CERT1: variants seen among roughly 807,000 people sequenced by gnomAD.
CERT1 encodes ceramide transfer protein.
A neutral mutation model predicts 87.9 loss-of-function variants in CERT1; 31 were observed. The ratio of observed to expected loss-of-function variants is 0.35; its 90% CI spans 0.27 to 0.48. CERT1 has a LOEUF of 0.48. CERT1 is among the 20% of genes least tolerant of loss of function. The pLI is 0.99. For missense variants in CERT1, 487 were observed against 758.0 expected, an observed-to-expected ratio of 0.64 and a Z score of 4.20; for synonymous variants, 289 against 250.9, an observed-to-expected ratio of 1.15 and a Z score of -1.44.
intron 8 of CERT1, among the ~76,000 whole-genome samples, chr5:75,407,472 T>TAA (rs546897411): frequency 8.3e-5 from 9 of 107,844 alleles, no homozygotes; most frequent in Non-Finnish European, 1.4e-4. Context: ...GGAAAAAAAT[T>TAA]AAAAAAAAAA....
rs753591061 is a variant in CERT1 at position 75,459,962 on chromosome 5, C to CAAA, written c.232-784_232-782dup. ...GGGTGACAGAGTGAGTCCTCCGTCTCAAAAAAAAAAAAAAAAAAAAAAAAA... is the reference window on the plus strand; with the variant it reads ...GGGTGACAGAGTGAGTCCTCCGTCTCAAAAAAAAAAAAAAAAAAAAAAAAAAAA... On this transcript the variant is annotated intron_variant, in intron 2 of 16. Transcript: ENST00000643780. Among the ~76,000 whole-genome samples, 33 of 25,526 alleles carry CAAA rather than the reference C, an allele frequency of 1.3e-3. 2 individuals carry two copies. The highest frequency in any genetic ancestry group is 3.6e-3 in the Admixed American group (8 of 2,252). The allele number at this position is 25,526 out of a possible 152,430, so 16.7% of individuals were successfully genotyped here.
Position 75,511,454 on chromosome 5 carries a change from C to T in CERT1, c.-247G>A. The T allele has an allele frequency of 1.3e-6, 2 of 1,532,564 alleles. No homozygotes were observed. The highest frequency in any genetic ancestry group is 1.2e-5 in the South Asian group (1 of 82,450). The allele number at this position is 1,532,564 out of a possible 1,614,324, so 94.9% of individuals were successfully genotyped here. A position where few individuals can be genotyped will look rare whatever the true frequency, so the allele number is the denominator to read the frequency against. ...CCTTCCAGCCGTCAGCCGCCGCCGCCGTCGCCGTGACCCCTGCGTTGCGCC... is the reference window on the plus strand; with the variant it reads ...CCTTCCAGCCGTCAGCCGCCGCCGCTGTCGCCGTGACCCCTGCGTTGCGCC... On this transcript the variant is annotated 5_prime_UTR_variant, in exon 1 of 17. Transcript: ENST00000643780.
intron 2 of CERT1, among the ~76,000 whole-genome samples, chr5:75,468,588 A>G (rs1765566412): frequency 6.6e-6 from 1 of 152,134 alleles, no homozygotes. Context: ...CTGCTGGATG[A>G]TGACAGCAGC....
intron 3 of CERT1, among the ~76,000 whole-genome samples, chr5:75,427,355 T>C (rs1763659012): frequency 6.6e-6 from 1 of 152,136 alleles, no homozygotes; most frequent in South Asian, 2.1e-4. Flanking sequence ...TCCCAGAACT[T>C]TGGGAGGCCA....
Position 75,379,280 on chromosome 5 carries a change from T to A in CERT1, c.*66A>T, listed in dbSNP as rs974178726. 6 of 1,342,138 alleles carry A rather than the reference T, an allele frequency of 4.5e-6. No homozygotes were observed. Among genetic ancestry groups the A allele is most frequent in the Non-Finnish European group, 5.2e-6 (5 of 961,130 alleles). The allele number at this position is 1,342,138 out of a possible 1,614,324, so 83.1% of individuals were successfully genotyped here. ...TACTTTCAACAACTAAATTTTAGTA[T>A]TGACAGTCATATTAGTCAAATAAAG... is the stretch of plus-strand genomic sequence containing the variant. On this transcript the variant is annotated 3_prime_UTR_variant, in exon 17 of 17. Transcript: ENST00000643780.
intron 4 of CERT1, among the ~76,000 whole-genome samples, chr5:75,426,142 GT>G (rs978450277): frequency 8.5e-5 from 13 of 152,184 alleles, no homozygotes; most frequent in Admixed American, 2.6e-4. Flanking sequence ...CTTTGAACCA[GT>G]TTTTTTATAT....
At chr5:75,456,617 T>G (rs1764991850) in intron 3 of CERT1, among the ~76,000 whole-genome samples, 2 of 127,188 alleles carry the variant, frequency 1.6e-5, no homozygotes, top group African/African-American at 3.1e-5. Flanking sequence ...GAGGCTGAAG[T>G]GAGCCGAGAT....
chr5:75,393,602 T>TTAAAAAAAAAAAAAAAAAA (rs1179766169), intron 11 of CERT1, among the ~76,000 whole-genome samples: 2 of 32,754 alleles, frequency 6.1e-5, no homozygotes, highest in East Asian at 2.3e-3. Context: ...CTCATCTACT[T>TTAAAAAAAAAAAAAAAAAA]AAAAAAAAAA....
intron 2 of CERT1, among the ~76,000 whole-genome samples, chr5:75,501,090 T>TC (rs1767347995): frequency 6.6e-6 from 1 of 151,836 alleles, no homozygotes; most frequent in Admixed American, 6.6e-5. Flanking sequence ...CAGGTGATCC[T>TC]CCCACCTCAG....
At chr5:75,418,039 C>G (rs896346034) in intron 6 of CERT1, among the ~76,000 whole-genome samples, 4 of 152,228 alleles carry the variant, frequency 2.6e-5, no homozygotes, top group Admixed American at 1.3e-4. Flanking sequence ...GCCTGTAATC[C>G]CAGCTACTCA....
chr5:75,379,979 T>C (rs867741723), intron 16 of CERT1, among the ~76,000 whole-genome samples: 26 of 152,196 alleles, frequency 1.7e-4, no homozygotes, highest in African/African-American at 6.0e-4. Context: ...ATAACCTTTC[T>C]ACAATGTTCT....
intron 8 of CERT1, 92 bp from the exon 9 acceptor site, chr5:75,403,150 C>G: frequency 1.2e-6 from 1 of 811,102 alleles, no homozygotes; most frequent in Non-Finnish European, 2.1e-6. Flanking sequence ...TGAAAATTGA[C>G]CTAATAAACA....
chr5:75,392,144 C>T (rs562082346), intron 11 of CERT1, among the ~76,000 whole-genome samples: 10 of 152,078 alleles, frequency 6.6e-5, no homozygotes, highest in South Asian at 2.1e-4. Flanking sequence ...AATATAAACG[C>T]GTAGTAGGTA....
intron 2 of CERT1, among the ~76,000 whole-genome samples, chr5:75,476,879 C>T (rs1765977530): frequency 6.6e-6 from 1 of 152,022 alleles, no homozygotes; most frequent in African/African-American, 2.4e-5. Context: ...ATTCAAAAGT[C>T]AAGGGGAAAA....
chr5:75,492,332 C>T (rs1766838598), intron 2 of CERT1, among the ~76,000 whole-genome samples: 1 of 152,144 alleles, frequency 6.6e-6, no homozygotes, highest in African/African-American at 2.4e-5. Flanking sequence ...CACTGCATTC[C>T]AGCCTGGACG....
intron 15 of CERT1, among the ~76,000 whole-genome samples, chr5:75,381,643 A>G (rs1436647194): frequency 3.9e-5 from 6 of 152,146 alleles, no homozygotes; most frequent in Non-Finnish European, 8.8e-5. Flanking sequence ...TTTGGCTGGC[A>G]GTTGATAACG....
chr5:75,470,704 C>T (rs1182111062), intron 2 of CERT1, among the ~76,000 whole-genome samples: 1 of 152,150 alleles, frequency 6.6e-6, no homozygotes, highest in Admixed American at 6.5e-5. Context: ...CTGAACAAGA[C>T]AAGAATACCG....
At chr5:75,416,369 TATA>T (rs900632483) in intron 7 of CERT1, among the ~76,000 whole-genome samples, 6 of 152,196 alleles carry the variant, frequency 3.9e-5, no homozygotes, top group African/African-American at 1.4e-4. Flanking sequence ...AGAGTCATAC[TATA>T]ATATTATCAG....
intron 3 of CERT1, among the ~76,000 whole-genome samples, chr5:75,440,489 T>C (rs562859874): frequency 2.1e-4 from 32 of 152,068 alleles, no homozygotes; most frequent in Non-Finnish European, 4.0e-4. Flanking sequence ...TAAAAACTAA[T>C]ATCAAATATA....
Sources: allele counts gnomAD v4.1 joint callset (sites outside exome capture counted in the v4.1 genomes callset), GRCh38; gene constraint gnomAD v4.1.1; transcripts MANE v1.5; gene names NCBI Gene and HGNC (gene_info 2026-07-23, HGNC 2026-07-21).